The following HDAC9 variants were observed in gnomAD, a reference collection of about 807,000 sequenced individuals.
HDAC9 encodes the protein MEF-2 interacting transcription repressor (MITR) protein.
Under a neutral mutation model 139.4 loss-of-function variants are expected in HDAC9, and 41 were observed. The ratio of observed to expected loss-of-function variants is 0.29; its 90% confidence interval spans 0.23 to 0.38. HDAC9 has a LOEUF of 0.38. Ranked by LOEUF, HDAC9 falls within the 10% of genes least tolerant of loss-of-function variation. The pLI, the probability that HDAC9 is intolerant of heterozygous loss-of-function variation, is 1.00. For synonymous variants in HDAC9, 517 were observed against 476.2 expected, an observed-to-expected ratio of 1.09 and a Z score of -1.12; for missense variants, 1,147 against 1,297.0, an observed-to-expected ratio of 0.88 and a Z score of 1.78.
chr7:18,396,113 C>CCTTCCCTTCCCTTCCCTTCCTT, intron 1 of HDAC9, among the ~76,000 whole-genome samples: 2 of 132,780 alleles, frequency 1.5e-5, no homozygotes, highest in African/African-American at 5.8e-5. Flanking sequence ...CCTTCCCTTC[C>CCTTCCCTTCCCTTCCCTTCCTT]CTTCCCTTCC....
intron 2 of HDAC9, among the ~76,000 whole-genome samples, chr7:18,283,152 A>T (rs930458052): frequency 7.9e-5 from 12 of 152,222 alleles, no homozygotes; most frequent in African/African-American, 2.9e-4. Context: ...TCACATTCTG[A>T]AGGCTCAACA....
At chr7:18,903,675 A>G (rs61388620) in intron 22 of HDAC9, among the ~76,000 whole-genome samples, 8,915 of 152,180 alleles carry the variant, frequency 0.059, 314 homozygotes, top group African/African-American at 0.1. Context: ...ACTCCTCACT[A>G]TCTTTCTGAC....
chr7:18,349,307 T>TAC (rs3138825), intron 1 of HDAC9, among the ~76,000 whole-genome samples: 5,736 of 125,676 alleles, frequency 0.046, 174 homozygotes, highest in East Asian at 0.084. Flanking sequence ...TGAGAACATC[T>TAC]ACACACACAC....
intron 11 of HDAC9, among the ~76,000 whole-genome samples, chr7:18,653,475 G>T (rs954605176): frequency 6.6e-6 from 1 of 151,676 alleles, no homozygotes; most frequent in Non-Finnish European, 1.5e-5. Flanking sequence ...CCTATGACTG[G>T]CTATCAGCCA....
intron 7 of HDAC9, among the ~76,000 whole-genome samples, chr7:18,633,538 C>G (rs1457812357): frequency 2.0e-5 from 3 of 151,804 alleles, no homozygotes; most frequent in Admixed American, 1.3e-4. Flanking sequence ...AAGAGAAATG[C>G]CTTATATTTG....
At chr7:18,787,702 C>T (rs1385720171) in intron 16 of HDAC9, among the ~76,000 whole-genome samples, 1 of 152,158 alleles carries the variant, frequency 6.6e-6, no homozygotes, top group Non-Finnish European at 1.5e-5. Context: ...AGACTTCTGC[C>T]CAGAATCCTG....
At chr7:18,350,981 T>C (rs1265407479) in intron 1 of HDAC9, among the ~76,000 whole-genome samples, 1 of 152,116 alleles carries the variant, frequency 6.6e-6, no homozygotes, top group Non-Finnish European at 1.5e-5. Context: ...CAACCTGAAA[T>C]ACATTTTATA....
At chr7:18,945,055 A>G (rs1458340455) in intron 23 of HDAC9, among the ~76,000 whole-genome samples, 1 of 152,216 alleles carries the variant, frequency 6.6e-6, no homozygotes, top group African/African-American at 2.4e-5. Flanking sequence ...TTTTTGTTGA[A>G]TATATTTCTA....
At chr7:18,508,146 A>G (rs1044089913) in intron 2 of HDAC9, among the ~76,000 whole-genome samples, 2 of 152,248 alleles carry the variant, frequency 1.3e-5, no homozygotes, top group African/African-American at 2.4e-5. Context: ...GGATGGATAG[A>G]TAAAGCTACT....
intron 11 of HDAC9, 95 bp downstream of exon 11, chr7:18,648,778 G>A: frequency 2.9e-6 from 3 of 1,024,828 alleles, no homozygotes; most frequent in Admixed American, 2.1e-5. Flanking sequence ...ATGTTGATGG[G>A]AGTCACAGCA....
At chr7:18,372,361 G>C (rs529287816) in intron 1 of HDAC9, among the ~76,000 whole-genome samples, 1 of 152,330 alleles carries the variant, frequency 6.6e-6, no homozygotes, top group Non-Finnish European at 1.5e-5. Context: ...GATCTACCAA[G>C]AGCTTCTCAA....
chr7:18,255,257 T>G (rs1795156807), intron 2 of HDAC9, among the ~76,000 whole-genome samples: 1 of 152,170 alleles, frequency 6.6e-6, no homozygotes, highest in Admixed American at 6.5e-5. Context: ...TAAAATGTAG[T>G]CAAGCCAGTA....
chr7:18,304,416 C>T (rs1477644729), intron 1 of HDAC9, among the ~76,000 whole-genome samples: 3 of 152,122 alleles, frequency 2.0e-5, no homozygotes, highest in Non-Finnish European at 1.5e-5. Flanking sequence ...TTAGCAAAGT[C>T]TTTGGAAAAT....
At chr7:18,712,695 C>G (rs899026208) in intron 12 of HDAC9, among the ~76,000 whole-genome samples, 4 of 152,098 alleles carry the variant, frequency 2.6e-5, no homozygotes, top group African/African-American at 7.2e-5. Flanking sequence ...GTTAAGCTTG[C>G]CAATAATTGA....
At chr7:18,751,254 C>T (rs1788422088) in intron 14 of HDAC9, among the ~76,000 whole-genome samples, 1 of 152,120 alleles carries the variant, frequency 6.6e-6, no homozygotes, top group African/African-American at 2.4e-5. Context: ...TATCATACAA[C>T]TATGGGTTTG....
intron 1 of HDAC9, among the ~76,000 whole-genome samples, chr7:18,470,017 C>T (rs1477660546): frequency 1.3e-5 from 2 of 152,090 alleles, no homozygotes; most frequent in African/African-American, 4.8e-5. Context: ...TCCATAGTTT[C>T]TAAGACAAGT....
intron 1 of HDAC9, among the ~76,000 whole-genome samples, chr7:18,137,812 G>A (rs1179592837): frequency 6.6e-6 from 1 of 152,140 alleles, no homozygotes; most frequent in Admixed American, 6.5e-5. Flanking sequence ...GAATGATGCT[G>A]GCCTCATAAA....
At chr7:18,402,304 C>A (rs546530802) in intron 1 of HDAC9, among the ~76,000 whole-genome samples, 1 of 152,088 alleles carries the variant, frequency 6.6e-6, no homozygotes, top group South Asian at 2.1e-4. Flanking sequence ...AGCTGTCTAT[C>A]CTGGGATGGA....
chr7:18,308,700 C>CATAT (rs567043260), intron 1 of HDAC9, among the ~76,000 whole-genome samples: 6 of 151,580 alleles, frequency 4.0e-5, no homozygotes, highest in African/African-American at 1.5e-4. Flanking sequence ...ATATAAGTTA[C>CATAT]ATATATATAT....
Sources: allele counts gnomAD v4.1 joint callset (sites outside exome capture counted in the v4.1 genomes callset), GRCh38; gene constraint gnomAD v4.1.1; transcripts MANE v1.5; gene names NCBI Gene and HGNC (gene_info 2026-07-23, HGNC 2026-07-21).